TNFAIP8: variants seen among roughly 807,000 people sequenced by gnomAD.
TNFAIP8 encodes the protein tumor necrosis factor alpha-induced protein 8.
TNFAIP8 carries 7 observed loss-of-function variants against 13.3 expected under a neutral mutation model. The ratio of observed to expected loss-of-function variants is 0.52; its 90% confidence interval spans 0.30 to 0.99. The LOEUF (loss-of-function observed/expected upper bound fraction) is 0.99, where lower values mean the gene tolerates loss of function less well. Ranked by LOEUF, TNFAIP8 falls within the 50% of genes least tolerant of loss-of-function variation. The pLI is 0.07. For synonymous variants in TNFAIP8, 94 were observed against 87.6 expected (o/e 1.07, Z -0.41); for missense variants, 258 against 236.9 (o/e 1.09, Z -0.58).
chr5:119,357,023 A>G (rs190765881), intron 1 of TNFAIP8, among the ~76,000 whole-genome samples: 22 of 152,314 alleles, frequency 1.4e-4, no homozygotes, highest in African/African-American at 5.3e-4. Context: ...TTTCAAGTCA[A>G]TCACAGCAGT....
chr5:119,298,846 TTTCA>T (rs1291442984), intron 1 of TNFAIP8, among the ~76,000 whole-genome samples: 9 of 152,322 alleles, frequency 5.9e-5, no homozygotes, highest in African/African-American at 2.2e-4. Context: ...TCTCACTTCA[TTTCA>T]TTCATTTCAT....
intron 1 of TNFAIP8, among the ~76,000 whole-genome samples, chr5:119,312,019 T>G (rs1369075852): frequency 6.6e-6 from 1 of 152,210 alleles, no homozygotes; most frequent in African/African-American, 2.4e-5. Context: ...GCTTTATATA[T>G]TGACTATGAA....
chr5:119,366,107 A>AG (rs1751843448), intron 1 of TNFAIP8, among the ~76,000 whole-genome samples: 1 of 151,436 alleles, frequency 6.6e-6, no homozygotes, highest in Admixed American at 6.6e-5. Context: ...GTAGGAGTGG[A>AG]GAGAGAGAGG....
intron 1 of TNFAIP8, among the ~76,000 whole-genome samples, chr5:119,305,372 T>C (rs1490385534): frequency 6.6e-6 from 1 of 152,224 alleles, no homozygotes; most frequent in African/African-American, 2.4e-5. Flanking sequence ...TTAAAATGTA[T>C]AGGCTTTAAT....
At chr5:119,334,577 A>G (rs1750488354) in intron 1 of TNFAIP8, among the ~76,000 whole-genome samples, 1 of 150,838 alleles carries the variant, frequency 6.6e-6, no homozygotes, top group South Asian at 2.1e-4. Flanking sequence ...TTTATAGTAA[A>G]TGTACATTCG....
intron 1 of TNFAIP8, among the ~76,000 whole-genome samples, chr5:119,368,196 T>TTCTTAATTTCATTTGTCAGGTAGTCAC (rs1751936711): frequency 6.6e-6 from 1 of 152,200 alleles, no homozygotes; most frequent in Non-Finnish European, 1.5e-5. Flanking sequence ...AGTCTTGTAG[T>TTCTTAATTTCATTTGTCAGGTAGTCAC]TCTTAATTTC....
intron 1 of TNFAIP8, among the ~76,000 whole-genome samples, chr5:119,322,157 C>T (rs1480619111): frequency 6.6e-6 from 1 of 152,224 alleles, no homozygotes; most frequent in Non-Finnish European, 1.5e-5. Context: ...CTCCCACCCA[C>T]TCTCTAGCCC....
At chr5:119,303,250 A>C (rs917774662) in intron 1 of TNFAIP8, among the ~76,000 whole-genome samples, 2 of 152,180 alleles carry the variant, frequency 1.3e-5, no homozygotes, top group African/African-American at 2.4e-5. Flanking sequence ...GCTTACTTTA[A>C]TGAGTACTGT....
chr5:119,304,223 A>T lies in TNFAIP8; in HGVS notation c.1+35316A>T, dbSNP rs117185827. On this transcript the variant is annotated intron_variant, in intron 1 of 1. Coordinates refer to the TNFAIP8 transcript ENST00000274456. ...AGCCCCAAATACCTGGCCTCAAGTGATCCTCCTGCCGCAGCCTCCTGTGTA... is the reference window on the plus strand; with the variant it reads ...AGCCCCAAATACCTGGCCTCAAGTGTTCCTCCTGCCGCAGCCTCCTGTGTA... Among the ~76,000 whole-genome samples, 58 of 152,052 alleles carry T rather than the reference A, an allele frequency of 3.8e-4. 1 individual carries two copies. In the East Asian group the frequency reaches 0.01, roughly 27 times the overall value.
chr5:119,352,445 G>A (rs116583689), upstream of TNFAIP8, among the ~76,000 whole-genome samples: 456 of 152,310 alleles, frequency 3.0e-3, no homozygotes, highest in African/African-American at 0.011. Context: ...ACCATTTTTG[G>A]TGACCTGAAG....
rs575088670 is a variant in TNFAIP8, at chr5:119,388,556, T to C, written c.32-4260T>C. Among the ~76,000 whole-genome samples the C allele has an allele frequency of 3.9e-5, 6 of 152,332 alleles. No individual in the cohort carries two copies. In the South Asian group the frequency reaches 1.2e-3, roughly 32 times the overall value. ...AGTAGGGAGAGGCAGACAATAAAAA[T>C]GTAGGCAAATGAAGAGGATTTAAGG... is the stretch of plus-strand genomic sequence containing the variant. On this transcript the variant is annotated intron_variant, in intron 1 of 1. Coordinates refer to ENST00000504771, the MANE Select transcript of TNFAIP8 (RefSeq NM_014350.4).
At chr5:119,350,564 CT>C (rs1156691376) in intron 1 of TNFAIP8, among the ~76,000 whole-genome samples, 2 of 152,126 alleles carry the variant, frequency 1.3e-5, no homozygotes, top group African/African-American at 4.8e-5. Flanking sequence ...CTGCTAAAAG[CT>C]TTTTAACAAG....
At chr5:119,308,980 C>G (rs1331409331) in intron 1 of TNFAIP8, among the ~76,000 whole-genome samples, 3 of 152,066 alleles carry the variant, frequency 2.0e-5, no homozygotes, top group Non-Finnish European at 2.9e-5. Flanking sequence ...GGTAAAAAGG[C>G]AAAAGCAGTT....
chr5:119,296,498 C>G (rs962543242), intron 1 of TNFAIP8, among the ~76,000 whole-genome samples: 15 of 152,110 alleles, frequency 9.9e-5, no homozygotes, highest in African/African-American at 3.4e-4. Context: ...GGTGGATAAG[C>G]TTTTTGATGT....
intron 1 of TNFAIP8, among the ~76,000 whole-genome samples, chr5:119,317,104 G>A (rs1455672583): frequency 2.0e-5 from 3 of 152,194 alleles, no homozygotes; most frequent in Non-Finnish European, 2.9e-5. Context: ...TAAAAAGGAA[G>A]TAGTTTTGCC....
intron 1 of TNFAIP8, among the ~76,000 whole-genome samples, chr5:119,359,577 G>A (rs1203969846): frequency 6.6e-6 from 1 of 151,558 alleles, no homozygotes; most frequent in African/African-American, 2.4e-5. Flanking sequence ...AAGTTTAGTT[G>A]TTCCGTAGTG....
rs140853696 is a variant in TNFAIP8, at chr5:119,282,098, T to A, written c.1+13191T>A. Among the ~76,000 whole-genome samples the A allele has an allele frequency of 1.6e-3, 248 of 152,330 alleles. 2 individuals carry two copies. The highest frequency in any genetic ancestry group is 5.5e-3 in the African/African-American group (230 of 41,570). ...ATCAACTATATATCATTTCATTCAGTCAACAGAGTATGAGCATTCCAGTAC... is the reference window on the plus strand; with the variant it reads ...ATCAACTATATATCATTTCATTCAGACAACAGAGTATGAGCATTCCAGTAC... On this transcript the variant is annotated intron_variant, in intron 1 of 1. Transcript: ENST00000274456.
chr5:119,325,313 G>A lies in TNFAIP8; in HGVS notation c.1+56406G>A, dbSNP rs561266257. 4.3e-4 allele frequency among the ~76,000 whole-genome samples: 65 copies of A among 152,242 alleles called. 1 individual carries two copies. In the South Asian group the frequency reaches 0.011, roughly 25 times the overall value. On this transcript the variant is annotated intron_variant, in intron 1 of 1. Coordinates refer to the TNFAIP8 transcript ENST00000274456. The stretch of plus-strand genomic sequence containing the variant: ...GGTTTTTGATCTTTATTGTCACTTT[G>A]CCTTCCAGATGTTTGTCCTGTTTTA...
chr5:119,384,989 G>A (rs1455960732), intron 1 of TNFAIP8, among the ~76,000 whole-genome samples: 1 of 152,140 alleles, frequency 6.6e-6, no homozygotes, highest in Non-Finnish European at 1.5e-5. Context: ...TCATGATGAA[G>A]AGATTCCAGA....
Sources: allele counts gnomAD v4.1 joint callset (sites outside exome capture counted in the v4.1 genomes callset), GRCh38; gene constraint gnomAD v4.1.1; transcripts MANE v1.5; gene names NCBI Gene and HGNC (gene_info 2026-07-23, HGNC 2026-07-21).